Variants in KANK4 observed in about 807,000 individuals in gnomAD.
KANK4 encodes the protein KN motif and ankyrin repeat domain-containing protein 4.
Under a neutral mutation model 80.8 loss-of-function variants are expected in KANK4, and 50 were observed. The observed-to-expected ratio is 0.62, with a 90% CI of 0.49 to 0.78. The LOEUF is 0.78. Among genes scored for constraint, KANK4 ranks in the 30% least tolerant of loss-of-function variants. The pLI is 0.00. For synonymous variants in KANK4, 465 were observed against 506.9 expected, an observed-to-expected ratio of 0.92 and a Z score of 1.11; for missense variants, 1,196 against 1,240.1, an observed-to-expected ratio of 0.96 and a Z score of 0.53.
intron 8 of KANK4, among the ~76,000 whole-genome samples, chr1:62,249,760 C>G (rs1300519553): frequency 6.6e-6 from 1 of 151,984 alleles, no homozygotes. Flanking sequence ...TCAGGCTGGT[C>G]TTGAACTCCT....
At chr1:62,254,727 AT>A (rs1295200214) in intron 7 of KANK4, among the ~76,000 whole-genome samples, 11 of 141,694 alleles carry the variant, frequency 7.8e-5, no homozygotes, top group South Asian at 2.3e-4. Flanking sequence ...CTGATTTTTT[AT>A]TTTTTTTTAA....
intron 5 of KANK4, 139 bp downstream of exon 5, chr1:62,268,148 T>C (rs990372434): frequency 5.5e-6 from 4 of 723,578 alleles, no homozygotes; most frequent in African/African-American, 5.4e-5. Flanking sequence ...GTGCACAGTG[T>C]GGGCATGAAA....
chr1:62,285,199 C>G (rs1005813646), intron 1 of KANK4, among the ~76,000 whole-genome samples: 4 of 152,204 alleles, frequency 2.6e-5, no homozygotes, highest in African/African-American at 9.6e-5. Flanking sequence ...TCCACAGTGC[C>G]TTTCCAAGCC....
At chr1:62,281,660 G>T in intron 1 of KANK4, 26 bp from the exon 2 acceptor site, 1 of 1,384,542 alleles carries the variant, frequency 7.2e-7, no homozygotes, top group Non-Finnish European at 1.0e-6. Flanking sequence ...ATACAGAAGT[G>T]GTGAGTCTCA....
chr1:62,274,771 C>A lies in KANK4; in HGVS notation c.333G>T (p.Pro111=). Reference sequence around the variant, plus strand: ...TTGAGGCCTGGGGGGCATTACCAAGCGGTGGTGACTGGTTTTGCTCCTGTG... The same window carrying A: ...TTGAGGCCTGGGGGGCATTACCAAGAGGTGGTGACTGGTTTTGCTCCTGTG... ...LGTQEQNQSP[P]LGNAPQASTS... Residue 111 remains proline (P), a synonymous_variant, in exon 3 of 10, where the codon CCG becomes CCT. Coordinates refer to ENST00000371153, the MANE Select transcript of KANK4 (RefSeq NM_181712.5). 1 of 1,614,044 alleles carries A rather than the reference C, an allele frequency of 6.2e-7. No individual in the cohort carries two copies. Among genetic ancestry groups the A allele is most frequent in the Non-Finnish European group, 8.5e-7 (1 of 1,179,986 alleles).
At chr1:62,317,777 T>C (rs1644554376) in intron 1 of KANK4, among the ~76,000 whole-genome samples, 1 of 152,216 alleles carries the variant, frequency 6.6e-6, no homozygotes, top group Admixed American at 6.5e-5. Flanking sequence ...ATGTGAGTGA[T>C]TTAATTCCTG....
At position 62,310,274 on chromosome 1, in the gene KANK4, G is replaced by A. The variant is rs548085180; in HGVS notation, c.-71+8832C>T. Among the ~76,000 whole-genome samples, 6 of 152,310 alleles carry A rather than the reference G, an allele frequency of 3.9e-5. No individual in the cohort carries two copies. In the South Asian group the frequency reaches 1.2e-3, roughly 32 times the overall value. On this transcript the variant is annotated intron_variant, in intron 1 of 9. Transcript: ENST00000371153. ...TCCTCAGTTGTAAGACAAGGGGGAC[G>A]ATCTAGGTAAGTGGTAAGGTTTCTT...
Position 62,273,967 on chromosome 1 carries a change from A to T in KANK4, c.1137T>A (p.Ala379=), listed in dbSNP as rs571361272. The T allele has an allele frequency of 6.2e-7, 1 of 1,614,008 alleles. No homozygotes were observed. The highest frequency in any genetic ancestry group is 2.2e-5 in the East Asian group (1 of 44,850). The change falls in exon 3 of 10, where the codon GCT becomes GCA. Residue 379 remains alanine (A), a synonymous_variant. Coordinates refer to ENST00000371153, the MANE Select transcript of KANK4 (RefSeq NM_181712.5). ...ALQQQEEEIK[A]REQRIRELEF... ...CCAGCTCTCGAATTCTTTGCTCCCT[A>T]GCTTTGATTTCCTCTTCCTGCTGCT...
At chr1:62,267,471 A>G (rs1193382690) in intron 5 of KANK4, among the ~76,000 whole-genome samples, 1 of 152,136 alleles carries the variant, frequency 6.6e-6, no homozygotes, top group African/African-American at 2.4e-5. Flanking sequence ...GATTACAGCT[A>G]TAAGCTGTGG....
rs753775951 is a variant in KANK4, at chr1:62,273,581, T to C, written c.1523A>G (p.Gln508Arg). The C allele has an allele frequency of 6.2e-7, 1 of 1,613,998 alleles. No individual in the cohort carries two copies. Among genetic ancestry groups the C allele is most frequent in the Non-Finnish European group, 8.5e-7 (1 of 1,180,016 alleles). Reference sequence around the variant, plus strand: ...GGTTCCTCCCTGAGGGCCTCCTTCCTGTTCAGTGCCTGCTTCTTCAATCCT... The same window carrying C: ...GGTTCCTCCCTGAGGGCCTCCTTCCCGTTCAGTGCCTGCTTCTTCAATCCT... ...ELRIEEAGTE[Q>R]EGGPQGGTRG... Residue 508 changes from glutamine to arginine, a missense_variant, in exon 3 of 10, where the codon CAG (glutamine) becomes CGG (arginine). This residue lies in a region of KANK4 where 1,154 missense variants were observed against 1,179.6 expected (regional missense o/e 0.98). Transcript: ENST00000371153.
intron 9 of KANK4, among the ~76,000 whole-genome samples, chr1:62,239,021 G>A (rs1671277030): frequency 6.6e-6 from 1 of 151,200 alleles, no homozygotes; most frequent in Admixed American, 6.6e-5. Context: ...GCATTTTGGT[G>A]TGTTTTCCTC....
intron 1 of KANK4, among the ~76,000 whole-genome samples, chr1:62,315,758 A>C (rs1199368944): frequency 1.3e-5 from 2 of 152,180 alleles, no homozygotes; most frequent in African/African-American, 2.4e-5. Flanking sequence ...AAAAATAAAT[A>C]AATAAAAGTA....
intron 1 of KANK4, among the ~76,000 whole-genome samples, chr1:62,301,052 T>A (rs1402880409): frequency 6.6e-6 from 1 of 152,096 alleles, no homozygotes; most frequent in African/African-American, 2.4e-5. Flanking sequence ...TGGCTTTGTC[T>A]TCCTGACTGA....
chr1:62,239,884 T>C (rs1046104387), intron 9 of KANK4, among the ~76,000 whole-genome samples: 2 of 152,238 alleles, frequency 1.3e-5, no homozygotes, highest in Non-Finnish European at 2.9e-5. Context: ...ATGGTGTATA[T>C]ATGCCACATA....
At chr1:62,248,601 A>AG (rs1671529352) in intron 8 of KANK4, among the ~76,000 whole-genome samples, 2 of 150,126 alleles carry the variant, frequency 1.3e-5, no homozygotes, top group Non-Finnish European at 3.0e-5. Context: ...GCTGGAGTGC[A>AG]ATGGCACGAT....
At chr1:62,283,476 T>C (rs898483500) in intron 1 of KANK4, among the ~76,000 whole-genome samples, 1 of 152,176 alleles carries the variant, frequency 6.6e-6, no homozygotes, top group Non-Finnish European at 1.5e-5. Flanking sequence ...CAAGCCTGGG[T>C]TGGGAACAAA....
Position 62,273,803 on chromosome 1 carries a change from A to C in KANK4, c.1301T>G (p.Val434Gly), listed in dbSNP as rs1323234743. ...TRESCDKGIE[V>G]NLLGSMESES... The stretch of plus-strand genomic sequence containing the variant: ...AGACTCCATGCTGCCTAGAAGGTTG[A>C]CTTCAATGCCCTTATCACACGACTC... The change falls in exon 3 of 10, where the codon GTC becomes GGC. Residue 434 changes from valine to glycine, a missense_variant. By Grantham distance (109) the Val-to-Gly change is moderately radical. Coordinates refer to ENST00000371153, the MANE Select transcript of KANK4 (RefSeq NM_181712.5). 1 of 1,614,026 alleles carries C rather than the reference A, an allele frequency of 6.2e-7. No homozygotes were observed. The highest frequency in any genetic ancestry group is 1.7e-5 in the Admixed American group (1 of 60,016).
intron 2 of KANK4, among the ~76,000 whole-genome samples, chr1:62,276,429 C>T (rs1221381650): frequency 6.6e-6 from 1 of 152,090 alleles, no homozygotes; most frequent in Non-Finnish European, 1.5e-5. Flanking sequence ...GTTACTTAGC[C>T]TTCCTATGTC....
chr1:62,247,713 G>A, intron 8 of KANK4, 41 bp from the exon 9 acceptor site: 2 of 1,572,554 alleles, frequency 1.3e-6, no homozygotes, highest in Non-Finnish European at 1.7e-6. Context: ...GTTGCTGCCA[G>A]TGGGGAAGGA....
Sources: gnomAD v4.1 joint callset for allele counts (sites outside exome capture counted in the v4.1 genomes callset) on GRCh38, gnomAD v4.1.1 for gene constraint, gnomAD v4.1.1 regional missense constraint, MANE v1.5 for transcripts, NCBI Gene and HGNC (gene_info 2026-07-23, HGNC 2026-07-21) for gene names.